The following DLGAP1 variants were observed in gnomAD, a reference collection of about 807,000 sequenced individuals.
DLGAP1 encodes the protein disks large-associated protein 1.
DLGAP1 carries 11 observed loss-of-function variants against 90.8 expected under a neutral mutation model. The ratio of observed to expected loss-of-function variants is 0.12; its 90% CI spans 0.08 to 0.20. The LOEUF is 0.20. Ranked by LOEUF, DLGAP1 falls within the 10% of genes least tolerant of loss-of-function variation. The pLI is 1.00. For missense variants in DLGAP1, 1,050 were observed against 1,333.8 expected, an observed-to-expected ratio of 0.79 and a Z score of 3.31; for synonymous variants, 558 against 540.7, an observed-to-expected ratio of 1.03 and a Z score of -0.44.
At chr18:4,115,865 CTAATA>C (rs2076056210) in intron 2 of DLGAP1, among the ~76,000 whole-genome samples, 1 of 152,176 alleles carries the variant, frequency 6.6e-6, no homozygotes, top group Non-Finnish European at 1.5e-5. Context: ...TATAAACTCA[CTAATA>C]TAATGATACA....
intron 7 of DLGAP1, among the ~76,000 whole-genome samples, chr18:3,703,467 T>C (rs1424830641): frequency 6.6e-6 from 1 of 152,196 alleles, no homozygotes; most frequent in African/African-American, 2.4e-5. Flanking sequence ...AGGACAGAAA[T>C]TCCCAGAACT....
intron 9 of DLGAP1, 28 bp from the exon 10 acceptor site, chr18:3,534,643 G>A (rs1460364678): frequency 6.7e-7 from 1 of 1,489,578 alleles, no homozygotes; most frequent in Non-Finnish European, 9.0e-7. Context: ...AAGAAATTTA[G>A]TTAGAGGATA....
intron 2 of DLGAP1, among the ~76,000 whole-genome samples, chr18:4,096,065 G>A (rs949999051): frequency 6.6e-6 from 1 of 152,062 alleles, no homozygotes; most frequent in African/African-American, 2.4e-5. Flanking sequence ...TCGCTTTGTC[G>A]GCCAGGCTGG....
chr18:4,435,793 T>A (rs2083386580), intron 1 of DLGAP1, among the ~76,000 whole-genome samples: 1 of 152,196 alleles, frequency 6.6e-6, no homozygotes, highest in Non-Finnish European at 1.5e-5. Context: ...TTCCAACATA[T>A]GAAAAGTTTA....
intron 1 of DLGAP1, among the ~76,000 whole-genome samples, chr18:4,358,178 T>C (rs541499334): frequency 2.5e-4 from 38 of 151,978 alleles, no homozygotes; most frequent in African/African-American, 9.2e-4. Context: ...TATTTGAGAG[T>C]TGGAAGGAAG....
intron 8 of DLGAP1, chr18:3,571,426 A>C (rs566117741): frequency 6.6e-6 from 1 of 152,110 alleles, no homozygotes; most frequent in South Asian, 2.1e-4. Flanking sequence ...ATAGTGCACT[A>C]CAGCCCAAGA....
intron 7 of DLGAP1, among the ~76,000 whole-genome samples, chr18:3,589,031 A>T (rs73381213): frequency 0.28 from 42,533 of 151,194 alleles, 5,996 homozygotes; most frequent in South Asian, 0.32. Flanking sequence ...AAAATATATA[A>T]AAAAAAATTA....
intron 7 of DLGAP1, among the ~76,000 whole-genome samples, chr18:3,643,332 A>C (rs759879160): frequency 4.6e-5 from 7 of 152,172 alleles, no homozygotes; most frequent in Non-Finnish European, 1.0e-4. Flanking sequence ...ATATAACTCC[A>C]ACAACTCAGT....
chr18:4,153,183 T>C (rs1165654402), intron 1 of DLGAP1, among the ~76,000 whole-genome samples: 2 of 152,256 alleles, frequency 1.3e-5, no homozygotes. Context: ...AGTGTAATGG[T>C]TGCCAAATGC....
At chr18:4,047,609 G>A (rs1034914738) in intron 2 of DLGAP1, among the ~76,000 whole-genome samples, 3 of 152,152 alleles carry the variant, frequency 2.0e-5, no homozygotes, top group Admixed American at 2.0e-4. Flanking sequence ...AGGGGTGAAT[G>A]CCTCAGTTGT....
intron 5 of DLGAP1, among the ~76,000 whole-genome samples, chr18:3,811,241 G>A (rs1307781957): frequency 6.6e-6 from 1 of 152,206 alleles, no homozygotes; most frequent in African/African-American, 2.4e-5. Context: ...GGAACTATGA[G>A]AAATGATTCT....
chr18:4,248,277 C>T (rs540994973), intron 1 of DLGAP1, among the ~76,000 whole-genome samples: 3 of 152,280 alleles, frequency 2.0e-5, no homozygotes, highest in African/African-American at 7.2e-5. Flanking sequence ...ATAACCTTCA[C>T]GGCGAAATGA....
chr18:3,965,647 T>C (rs1385526856), intron 3 of DLGAP1, among the ~76,000 whole-genome samples: 1 of 152,084 alleles, frequency 6.6e-6, no homozygotes, highest in Non-Finnish European at 1.5e-5. Flanking sequence ...GCAAGTACTG[T>C]TCTAAATAAT....
chr18:3,628,907 GTT>G (rs1228428486), intron 7 of DLGAP1, among the ~76,000 whole-genome samples: 1 of 152,058 alleles, frequency 6.6e-6, no homozygotes, highest in African/African-American at 2.4e-5. Context: ...GATATTTAGG[GTT>G]TTTTTGGTAT....
intron 1 of DLGAP1, among the ~76,000 whole-genome samples, chr18:4,249,483 T>C (rs1238305248): frequency 6.6e-6 from 1 of 150,928 alleles, no homozygotes; most frequent in Non-Finnish European, 1.5e-5. Flanking sequence ...ATATTGGCTA[T>C]GCATATTAGA....
intron 1 of DLGAP1, among the ~76,000 whole-genome samples, chr18:4,359,730 G>T (rs1403167199): frequency 6.6e-6 from 1 of 152,148 alleles, no homozygotes. Flanking sequence ...GACTAGGATT[G>T]ATAATGGCAG....
rs1358264351 is a variant in DLGAP1, at chr18:4,378,202, C to T, written c.-267+76804G>A. 1.3e-5 allele frequency among the ~76,000 whole-genome samples: 2 copies of T among 150,840 alleles called. No individual in the cohort carries two copies. The highest frequency in any genetic ancestry group is 4.9e-5 in the African/African-American group (2 of 41,166). The stretch of plus-strand genomic sequence containing the variant: ...CTATGGTTATCTATACGGAAGACTA[C>T]TGAATGGGGGAGGTGTGGAATGGGG... On this transcript the variant is annotated intron_variant, in intron 1 of 12. Coordinates refer to ENST00000315677, the MANE Select transcript of DLGAP1 (RefSeq NM_004746.4). This position sits in a 1 kb window ranked among gnomAD's most constrained non-coding sequence, Gnocchi z 4.5.
At chr18:4,253,244 C>A (rs2078820369) in intron 1 of DLGAP1, among the ~76,000 whole-genome samples, 1 of 152,090 alleles carries the variant, frequency 6.6e-6, no homozygotes, top group African/African-American at 2.4e-5. Flanking sequence ...CTAACTAACC[C>A]CTTGCAGGAT....
chr18:3,873,658 T>C (rs755368924), intron 4 of DLGAP1, among the ~76,000 whole-genome samples: 22 of 152,174 alleles, frequency 1.4e-4, no homozygotes, highest in Non-Finnish European at 2.9e-4. Context: ...CTTGAACCAA[T>C]TATTGAAAAA....
Sources: gnomAD v4.1 joint callset for allele counts (sites outside exome capture counted in the v4.1 genomes callset) on GRCh38, gnomAD v4.1.1 for gene constraint, Gnocchi (gnomAD v3.1) non-coding constraint, MANE v1.5 for transcripts, NCBI Gene and HGNC (gene_info 2026-07-23, HGNC 2026-07-21) for gene names.